The following DPP6 variants were observed in gnomAD, a reference collection of about 807,000 sequenced individuals.
DPP6 encodes the protein dipeptidyl peptidase like 6.
DPP6 carries 69 observed loss-of-function variants against 122.6 expected under a neutral mutation model. That is an observed-to-expected ratio of 0.56 (90% confidence interval 0.46 to 0.69). The LOEUF (loss-of-function observed/expected upper bound fraction) is 0.69, where lower values mean the gene tolerates loss of function less well. Among genes scored for constraint, DPP6 ranks in the 30% least tolerant of loss-of-function variants. DPP6 has a pLI of 0.00. For synonymous variants in DPP6, 418 were observed against 433.1 expected, an observed-to-expected ratio of 0.97 and a Z score of 0.43; for missense variants, 928 against 1,116.9, an observed-to-expected ratio of 0.83 and a Z score of 2.41.
At chr7:154,790,731 A>C (rs901522619) in intron 10 of DPP6, among the ~76,000 whole-genome samples, 27 of 151,832 alleles carry the variant, frequency 1.8e-4, no homozygotes, top group African/African-American at 6.1e-4. Flanking sequence ...GTCCACATTT[A>C]ACTGTCCTAA....
At chr7:154,713,382 G>A (rs1841309166) in intron 7 of DPP6, among the ~76,000 whole-genome samples, 1 of 152,220 alleles carries the variant, frequency 6.6e-6, no homozygotes, top group South Asian at 2.1e-4. Context: ...GACTCTGTGT[G>A]GGGGCTCTGA....
At chr7:154,362,219 A>C (rs1045332740) in intron 1 of DPP6, among the ~76,000 whole-genome samples, 1 of 152,248 alleles carries the variant, frequency 6.6e-6, no homozygotes, top group Admixed American at 6.5e-5. Context: ...TGAGAGATGC[A>C]GGCTGCACAG....
chr7:153,871,751 G>A, the DPP6 span, among the ~76,000 whole-genome samples: 6 of 152,126 alleles, frequency 3.9e-5, no homozygotes, highest in Admixed American at 3.3e-4. Flanking sequence ...GCTCACGCTG[G>A]GAGCTATAGA....
chr7:154,331,668 G>C (rs759263), intron 1 of DPP6, among the ~76,000 whole-genome samples: 101,446 of 152,078 alleles, frequency 0.67, 33,908 homozygotes, highest in East Asian at 0.74. Flanking sequence ...CGCAGCACAT[G>C]GGAGCGTGCT....
intron 1 of DPP6, among the ~76,000 whole-genome samples, chr7:154,044,285 C>T (rs1204061184): frequency 5.9e-5 from 9 of 152,230 alleles, no homozygotes; most frequent in Middle Eastern, 6.8e-3. Context: ...GGAAATTGTT[C>T]GGAAATGGGT....
Position 154,690,935 on chromosome 7 carries a change from T to C in DPP6, c.762+21494T>C, listed in dbSNP as rs111908691. 9.7e-4 allele frequency among the ~76,000 whole-genome samples: 148 copies of C among 152,344 alleles called. No homozygotes were observed. The Middle Eastern group carries it at 0.01, about 11-fold the overall frequency. ...AGTGTTCACTGGTGATGCCACTGTC[T>C]TACCTTATGAGCACTAAATGCTTAA... is the stretch of plus-strand genomic sequence containing the variant. On this transcript the variant is annotated intron_variant, in intron 7 of 25. Transcript: ENST00000377770.
intron 1 of DPP6, among the ~76,000 whole-genome samples, chr7:154,243,663 C>G (rs111707410): frequency 0.027 from 4,079 of 151,834 alleles, 149 homozygotes; most frequent in African/African-American, 0.084. Flanking sequence ...GGCATGGTGG[C>G]GGGTGCCTGT....
intron 7 of DPP6, among the ~76,000 whole-genome samples, chr7:154,691,663 C>G (rs1365918555): frequency 6.6e-6 from 1 of 151,820 alleles, no homozygotes; most frequent in Non-Finnish European, 1.5e-5. Flanking sequence ...ACTAAAAATA[C>G]AAAAAATTAG....
the DPP6 span, among the ~76,000 whole-genome samples, chr7:153,825,319 A>G: frequency 6.6e-6 from 1 of 151,992 alleles, no homozygotes; most frequent in East Asian, 1.9e-4. Flanking sequence ...CAAAGGCTCT[A>G]CCGTAGATAG....
At chr7:154,635,618 T>C (rs534618284) in intron 5 of DPP6, among the ~76,000 whole-genome samples, 1 of 152,236 alleles carries the variant, frequency 6.6e-6, no homozygotes, top group Non-Finnish European at 1.5e-5. Context: ...CATTTAATCT[T>C]GCAGTCACTG....
intron 1 of DPP6, among the ~76,000 whole-genome samples, chr7:154,310,037 C>T (rs766334637): frequency 3.3e-5 from 5 of 152,146 alleles, no homozygotes; most frequent in African/African-American, 4.8e-5. Context: ...CTTCCAGAGC[C>T]GGGAGACAGG....
intron 1 of DPP6, among the ~76,000 whole-genome samples, chr7:154,101,690 G>A (rs1276789487): frequency 6.6e-6 from 1 of 151,838 alleles, no homozygotes; most frequent in East Asian, 2.0e-4. Flanking sequence ...CCCTCTGGGA[G>A]GCTGAGGCGG....
At chr7:154,433,674 C>CT (rs1442050386) in intron 1 of DPP6, among the ~76,000 whole-genome samples, 1 of 152,176 alleles carries the variant, frequency 6.6e-6, no homozygotes, top group Non-Finnish European at 1.5e-5. Flanking sequence ...AATTAGTCTT[C>CT]TCCTTCTGTC....
intron 1 of DPP6, among the ~76,000 whole-genome samples, chr7:153,929,362 C>T (rs1461887005): frequency 6.6e-6 from 1 of 151,988 alleles, no homozygotes; most frequent in Admixed American, 6.6e-5. Flanking sequence ...AATGCAGTTG[C>T]TTCGTGTTGT....
rs1407303540 is a variant in DPP6 at position 154,604,180 on chromosome 7, G to A, written c.628-33641G>A. 2.5e-5 allele frequency among the ~76,000 whole-genome samples: 3 copies of A among 120,396 alleles called. 1 individual carries two copies. Among genetic ancestry groups the A allele is most frequent in the Non-Finnish European group, 5.6e-5 (3 of 53,508 alleles). The allele number at this position is 120,396 out of a possible 152,430, so 79.0% of individuals were successfully genotyped here. On this transcript the variant is annotated intron_variant, in intron 5 of 25. Coordinates refer to ENST00000377770, the MANE Select transcript of DPP6 (RefSeq NM_130797.4). ...AGTTTATTTTTCTCCTACAATAATA[G>A]TCAACTCTTCATCATGAATGTTGCA...
chr7:154,198,749 G>A (rs991439110), intron 1 of DPP6, among the ~76,000 whole-genome samples: 2 of 152,196 alleles, frequency 1.3e-5, no homozygotes, highest in Non-Finnish European at 2.9e-5. Context: ...ATATGTGCAT[G>A]TGGATATCAG....
At chr7:153,813,982 C>G in the DPP6 span, among the ~76,000 whole-genome samples, 4 of 152,066 alleles carry the variant, frequency 2.6e-5, no homozygotes, top group African/African-American at 9.7e-5. Flanking sequence ...TGCCTGTTCA[C>G]TCTGATGGTA....
At position 154,757,588 on chromosome 7, in the gene DPP6, C is replaced by G. The variant is rs73498077; in HGVS notation, c.884-11829C>G. ...GCGTGGGATGACAGCCATTTTTGCT[C>G]AGATTTCTGCTTCCTGATCCACGGT... On this transcript the variant is annotated intron_variant, in intron 8 of 25. Transcript: ENST00000377770. Among the ~76,000 whole-genome samples, 7 of 152,172 alleles carry G rather than the reference C, an allele frequency of 4.6e-5. No homozygotes were observed. The East Asian group carries it at 1.2e-3, about 25-fold the overall frequency.
At chr7:153,984,598 CCTGTT>C (rs146919636) in intron 1 of DPP6, among the ~76,000 whole-genome samples, 9,180 of 152,138 alleles carry the variant, frequency 0.06, 304 homozygotes, top group South Asian at 0.077. Context: ...AATACAGACT[CCTGTT>C]CTGCTGAGTT....
Sources: gnomAD v4.1 joint callset for allele counts (sites outside exome capture counted in the v4.1 genomes callset) on GRCh38, gnomAD v4.1.1 for gene constraint, MANE v1.5 for transcripts, NCBI Gene and HGNC (gene_info 2026-07-23, HGNC 2026-07-21) for gene names.